The following PDE3A variants were observed in gnomAD, a reference collection of about 807,000 sequenced individuals.
The protein encoded by PDE3A is cGMP-inhibited 3',5'-cyclic phosphodiesterase 3A.
PDE3A carries 43 observed loss-of-function variants against 98.3 expected under a neutral mutation model. The ratio of observed to expected loss-of-function variants is 0.44; its 90% CI spans 0.34 to 0.56. The LOEUF (loss-of-function observed/expected upper bound fraction) is 0.56. Among genes scored for constraint, PDE3A ranks in the 20% least tolerant of loss-of-function variants. PDE3A has a pLI of 0.01. For missense variants in PDE3A, 1,427 were observed against 1,440.7 expected (o/e 0.99, Z 0.15); for synonymous variants, 663 against 567.9 (o/e 1.17, Z -2.38).
In PDE3A at chr12:20,681,528, G is replaced by C. The variant is rs1166967579; in HGVS notation, c.*1257G>C. ...GGGTTTTTGTGTTGACATAGGAAAA[G>C]CCTGATTCTTGGCAACTGTTGTAGT... On this transcript the variant is annotated 3_prime_UTR_variant, in exon 16 of 16. Transcript: ENST00000359062. 2.0e-5 allele frequency: 3 copies of C among 152,218 alleles called. No individual in the cohort carries two copies. Among genetic ancestry groups the C allele is most frequent in the African/African-American group, 7.2e-5 (3 of 41,468 alleles). 9.4% of individuals were successfully genotyped at this position (152,218 alleles called of 1,614,324 possible).
chr12:20,683,084 A>C lies in PDE3A; in HGVS notation c.*2813A>C, dbSNP rs1945838986. 6.6e-6 allele frequency: 1 copy of C among 152,226 alleles called. No individual in the cohort carries two copies. 9.4% of individuals were successfully genotyped at this position (152,226 alleles called of 1,614,324 possible). On this transcript the variant is annotated 3_prime_UTR_variant, in exon 16 of 16. Coordinates refer to ENST00000359062, the MANE Select transcript of PDE3A (RefSeq NM_000921.5). ...GAACTGTGTTCAGCAATCCAGGCAG[A>C]TTGATACATTTTTCTTTAAAAATAA... is the stretch of plus-strand genomic sequence containing the variant.
At chr12:20,460,095 G>A (rs1162603285) in intron 1 of PDE3A, among the ~76,000 whole-genome samples, 1 of 152,168 alleles carries the variant, frequency 6.6e-6, no homozygotes, top group Non-Finnish European at 1.5e-5. Flanking sequence ...GTAGCCCCCT[G>A]CTGCTGTTAC....
Position 20,673,409 on chromosome 12 carries a change from A to G in PDE3A, c.3185-6621A>G, listed in dbSNP as rs569211458. Among the ~76,000 whole-genome samples, 512 of 145,074 alleles carry G rather than the reference A, an allele frequency of 3.5e-3. 4 individuals are homozygous for G. Among genetic ancestry groups the G allele is most frequent in the African/African-American group, 0.013 (486 of 38,776 alleles). On this transcript the variant is annotated intron_variant, in intron 15 of 15. Coordinates refer to ENST00000359062, the MANE Select transcript of PDE3A (RefSeq NM_000921.5). ...TAAAGACACATGCACACGTATGTTT[A>G]TTGCGGCATTATTCACAATAGCAAA...
intron 1 of PDE3A, among the ~76,000 whole-genome samples, chr12:20,548,174 T>C (rs1942103341): frequency 6.6e-6 from 1 of 152,162 alleles, no homozygotes; most frequent in South Asian, 2.1e-4. Flanking sequence ...AAGTTTACTT[T>C]GTTTGCCAGG....
At chr12:20,456,278 A>C (rs1025996399) in intron 1 of PDE3A, among the ~76,000 whole-genome samples, 10 of 152,200 alleles carry the variant, frequency 6.6e-5, no homozygotes, top group Non-Finnish European at 1.2e-4. Context: ...ATAAGCAGGT[A>C]GAATTTTAAA....
At chr12:20,572,383 T>C (rs1942820133) in intron 2 of PDE3A, among the ~76,000 whole-genome samples, 1 of 152,120 alleles carries the variant, frequency 6.6e-6, no homozygotes, top group Non-Finnish European at 1.5e-5. Context: ...GTAAAAGTTC[T>C]AGAATGATTT....
rs570893204 is a variant in PDE3A, at chr12:20,668,046, G to T, written c.3185-11984G>T. ...CATTGCCTCACTTGGGAAACGCAAG[G>T]GGTCAGGGAGTTCCCTTTCCCAGTC... On this transcript the variant is annotated intron_variant, in intron 15 of 15. Transcript: ENST00000359062. Among the ~76,000 whole-genome samples, 10 of 152,314 alleles carry T rather than the reference G, an allele frequency of 6.6e-5. No individual in the cohort carries two copies. The South Asian group carries it at 8.3e-4, about 13-fold the overall frequency.
chr12:20,421,217 A>G (rs1441391782), intron 1 of PDE3A, among the ~76,000 whole-genome samples: 1 of 152,180 alleles, frequency 6.6e-6, no homozygotes, highest in South Asian at 2.1e-4. Flanking sequence ...TTAGGCACAT[A>G]TATTTGTATA....
chr12:20,388,721 G>A (rs1292861723), intron 1 of PDE3A, among the ~76,000 whole-genome samples: 3 of 151,994 alleles, frequency 2.0e-5, no homozygotes, highest in Admixed American at 6.6e-5. Flanking sequence ...TCGTGTATCT[G>A]AGTTACATAC....
At chr12:20,634,866 T>C (rs1170139388) in intron 7 of PDE3A, 36 bp from the exon 8 acceptor site, 1 of 1,543,748 alleles carries the variant, frequency 6.5e-7, no homozygotes, top group Admixed American at 1.7e-5. Context: ...TTCCCCATTG[T>C]AGATCTTGTA....
At chr12:20,415,409 T>TTTATTTAA (rs1944406485) in intron 1 of PDE3A, among the ~76,000 whole-genome samples, 1 of 151,232 alleles carries the variant, frequency 6.6e-6, no homozygotes, top group Non-Finnish European at 1.5e-5. Flanking sequence ...TACTTATTTA[T>TTTATTTAA]TTATTTATTT....
At chr12:20,439,316 A>G (rs1269006014) in intron 1 of PDE3A, among the ~76,000 whole-genome samples, 1 of 152,204 alleles carries the variant, frequency 6.6e-6, no homozygotes, top group African/African-American at 2.4e-5. Flanking sequence ...TTTTCCTAAC[A>G]TTGATTTATG....
intron 6 of PDE3A, among the ~76,000 whole-genome samples, chr12:20,630,433 A>T (rs190674127): frequency 2.2e-4 from 33 of 152,336 alleles, no homozygotes; most frequent in Non-Finnish European, 3.8e-4. Context: ...CTAAAAAATG[A>T]TATCAAGTAT....
intron 1 of PDE3A, among the ~76,000 whole-genome samples, chr12:20,487,526 AAAATT>A (rs1170407151): frequency 6.7e-6 from 1 of 149,898 alleles, no homozygotes; most frequent in Non-Finnish European, 1.5e-5. Context: ...AAAAAAAAAA[AAAATT>A]AATTCCAGCT....
chr12:20,379,392 G>A (rs2120535023), intron 1 of PDE3A, among the ~76,000 whole-genome samples: 1 of 151,922 alleles, frequency 6.6e-6, no homozygotes, highest in South Asian at 2.1e-4. Flanking sequence ...CTCAGCAGCA[G>A]TCTCTCAGGA....
chr12:20,510,381 A>G (rs1241929497), intron 1 of PDE3A, among the ~76,000 whole-genome samples: 1 of 152,248 alleles, frequency 6.6e-6, no homozygotes, highest in South Asian at 2.1e-4. Flanking sequence ...GAAATTGACT[A>G]TATTTAATTA....
chr12:20,667,434 T>C (rs1945344002), intron 15 of PDE3A, among the ~76,000 whole-genome samples: 1 of 152,212 alleles, frequency 6.6e-6, no homozygotes, highest in African/African-American at 2.4e-5. Flanking sequence ...TTAATCTATC[T>C]TGAGTTGATT....
In PDE3A at chr12:20,615,184, G is replaced by A. The variant is rs570244213; in HGVS notation, c.1270-1046G>A. On this transcript the variant is annotated intron_variant, in intron 3 of 15. Coordinates refer to ENST00000359062, the MANE Select transcript of PDE3A (RefSeq NM_000921.5). Reference sequence around the variant, plus strand: ...CTCCCAAAGTGTTGGAATTACAGGCGTGAGCCACTGCGCCTGGCCCAGTTT... The same window carrying A: ...CTCCCAAAGTGTTGGAATTACAGGCATGAGCCACTGCGCCTGGCCCAGTTT... 3.9e-3 allele frequency among the ~76,000 whole-genome samples: 595 copies of A among 152,070 alleles called. 2 individuals are homozygous for A. The highest frequency in any genetic ancestry group is 7.1e-3 in the Non-Finnish European group (484 of 67,948).
chr12:20,673,235 C>A (rs916908046), intron 15 of PDE3A, among the ~76,000 whole-genome samples: 5 of 152,066 alleles, frequency 3.3e-5, no homozygotes, highest in African/African-American at 1.2e-4. Flanking sequence ...AATAGGAACA[C>A]TTTTACACTG....
Sources: gnomAD v4.1 joint callset for allele counts (sites outside exome capture counted in the v4.1 genomes callset) on GRCh38, gnomAD v4.1.1 for gene constraint, MANE v1.5 for transcripts, NCBI Gene and HGNC (gene_info 2026-07-23, HGNC 2026-07-21) for gene names.